The following TAF8 variants were observed in gnomAD, a reference collection of about 807,000 sequenced individuals.
TAF8 encodes transcription initiation factor TFIID subunit 8.
Under a neutral mutation model 36.5 loss-of-function variants are expected in TAF8, and 47 were observed. That is an observed-to-expected ratio of 1.29 (90% CI 1.02 to 1.64). TAF8 has a LOEUF of 1.64. Among genes scored for constraint, TAF8 ranks in the 40% most tolerant of loss-of-function variants. The probability of loss-of-function intolerance (pLI) is 0.00; values close to 1 mark genes in which losing one functional copy is unlikely to be tolerated. For synonymous variants in TAF8, 175 were observed against 159.5 expected, an observed-to-expected ratio of 1.10 and a Z score of -0.73; for missense variants, 420 against 407.6, an observed-to-expected ratio of 1.03 and a Z score of -0.26.
intron 8 of TAF8, 129 bp downstream of exon 8, chr6:42,077,368 C>G: frequency 1.3e-6 from 2 of 1,501,330 alleles, no homozygotes; most frequent in African/African-American, 2.8e-5. Flanking sequence ...GGAATAGTCT[C>G]CCTTTTCCTG....
At chr6:42,069,557 G>T (rs1765487626) in intron 7 of TAF8, among the ~76,000 whole-genome samples, 1 of 152,194 alleles carries the variant, frequency 6.6e-6, no homozygotes, top group African/African-American at 2.4e-5. Context: ...GCCAAGATAG[G>T]AACAACCACC....
At chr6:42,072,428 C>T (rs1181628105) in intron 7 of TAF8, among the ~76,000 whole-genome samples, 1 of 152,218 alleles carries the variant, frequency 6.6e-6, no homozygotes, top group Non-Finnish European at 1.5e-5. Flanking sequence ...TTCCCTCCCA[C>T]AGAGCAACTG....
rs557984663 is a variant in TAF8 at position 42,068,330 on chromosome 6, G to A, written c.638-135G>A. On this transcript the variant is annotated intron_variant, in intron 6 of 8. Transcript: ENST00000372977. ...CCCGTAGAACATTGCCTGGCCTGTT[G>A]TGTAAGTACTTGGAGCGAGTTAGCT... The A allele has an allele frequency of 4.3e-4, 382 of 895,760 alleles. 3 individuals carry two copies. The highest frequency in any genetic ancestry group is 9.2e-4 in the South Asian group (61 of 66,194). The allele number at this position is 895,760 out of a possible 1,614,324, so 55.5% of individuals were successfully genotyped here. A position where few individuals can be genotyped will look rare whatever the true frequency, so the allele number is the denominator to read the frequency against.
At position 42,078,116 on chromosome 6, in the gene TAF8, C is replaced by T. The variant is rs1472265628; in HGVS notation, c.*571C>T. Reference sequence around the variant, plus strand: ...ATGTTGGCCAGGCTGGTCTTGAACTCCTGACCTCAAGTGATAACCCGCCTC... The same window carrying T: ...ATGTTGGCCAGGCTGGTCTTGAACTTCTGACCTCAAGTGATAACCCGCCTC... On this transcript the variant is annotated 3_prime_UTR_variant, in exon 9 of 9. Coordinates refer to ENST00000372977, the MANE Select transcript of TAF8 (RefSeq NM_138572.3). The T allele has an allele frequency of 5.9e-6, 4 of 677,626 alleles. No individual in the cohort carries two copies. The highest frequency in any genetic ancestry group is 7.3e-6 in the Non-Finnish European group (4 of 548,580). 42.0% of individuals were successfully genotyped at this position (677,626 alleles called of 1,614,324 possible).
intron 7 of TAF8, among the ~76,000 whole-genome samples, chr6:42,068,881 C>T (rs1765458454): frequency 6.6e-6 from 1 of 152,086 alleles, no homozygotes; most frequent in Non-Finnish European, 1.5e-5. Flanking sequence ...TCCCTGTCCT[C>T]ATGGGGCTAA....
chr6:42,063,975 A>G (rs941638576), intron 5 of TAF8, among the ~76,000 whole-genome samples: 17 of 152,186 alleles, frequency 1.1e-4, no homozygotes, highest in Non-Finnish European at 2.4e-4. Flanking sequence ...AGAATCTAAG[A>G]TTAGTTTATT....
rs540647900 is a variant in TAF8, at chr6:42,080,372, T to C, written c.*2827T>C. On this transcript the variant is annotated 3_prime_UTR_variant, in exon 9 of 9. Coordinates refer to ENST00000372977, the MANE Select transcript of TAF8 (RefSeq NM_138572.3). ...GAGGCTATACTCTTTTTTTTTCTTT[T>C]CTTTTTTTTTTTTTTTTGAGACGGC... is the stretch of plus-strand genomic sequence containing the variant. The C allele has an allele frequency of 3.8e-4, 345 of 905,204 alleles. 2 individuals are homozygous for C. In the African/African-American group the frequency reaches 9.4e-3, roughly 25 times the overall value. The allele number at this position is 905,204 out of a possible 1,614,324, so 56.1% of individuals were successfully genotyped here.
At chr6:42,052,327 CCT>C (rs1491565346) in intron 2 of TAF8, among the ~76,000 whole-genome samples, 26 of 149,262 alleles carry the variant, frequency 1.7e-4, no homozygotes, top group African/African-American at 2.5e-4. Flanking sequence ...GCCCCCCCCC[CCT>C]TTTTTTTTTT....
At chr6:42,067,223 T>C (rs181288511) in intron 6 of TAF8, among the ~76,000 whole-genome samples, 2 of 152,322 alleles carry the variant, frequency 1.3e-5, no homozygotes, top group African/African-American at 4.8e-5. Context: ...TCTGGAGTTT[T>C]TGTGGGTTTT....
intron 7 of TAF8, among the ~76,000 whole-genome samples, chr6:42,076,257 C>T (rs541427881): frequency 1.3e-5 from 2 of 150,990 alleles, no homozygotes; most frequent in Admixed American, 1.3e-4. Context: ...TCGAGACTAG[C>T]CTGGCCAACT....
chr6:42,060,260 A>G (rs538005916), intron 5 of TAF8, among the ~76,000 whole-genome samples: 10 of 152,296 alleles, frequency 6.6e-5, no homozygotes, highest in Non-Finnish European at 1.2e-4. Context: ...ACAACAGTGT[A>G]CTATAGTTTT....
At chr6:42,052,748 A>G (rs1453087620) in intron 2 of TAF8, among the ~76,000 whole-genome samples, 5 of 152,114 alleles carry the variant, frequency 3.3e-5, no homozygotes, top group Admixed American at 2.0e-4. Flanking sequence ...GGGATGAGGG[A>G]TGGAAGTATT....
At position 42,080,209 on chromosome 6, in the gene TAF8, G is replaced by A; in HGVS notation, c.*2664G>A. On this transcript the variant is annotated 3_prime_UTR_variant, in exon 9 of 9. Transcript: ENST00000372977. Reference sequence around the variant, plus strand: ...AATCCCAGCTGTTCTCACTGCTCTTGGGAGGTGTTGTCCCAGTCAGTGTTT... The same window carrying A: ...AATCCCAGCTGTTCTCACTGCTCTTAGGAGGTGTTGTCCCAGTCAGTGTTT... 3 of 985,476 alleles carry A rather than the reference G, an allele frequency of 3.0e-6. No homozygotes were observed. Among genetic ancestry groups the A allele is most frequent in the Non-Finnish European group, 3.6e-6 (3 of 830,018 alleles). The allele number at this position is 985,476 out of a possible 1,614,324, so 61.0% of individuals were successfully genotyped here. A position where few individuals can be genotyped will look rare whatever the true frequency, so the allele number is the denominator to read the frequency against.
At position 42,068,752 on chromosome 6, in the gene TAF8, T is replaced by A. The variant is rs1023192974; in HGVS notation, c.780+145T>A. On this transcript the variant is annotated intron_variant, in intron 7 of 8. Transcript: ENST00000372977. The stretch of plus-strand genomic sequence containing the variant: ...GCCTGCATAAGGGCTTGCGTGATGA[T>A]CCAGATGTGACCCAATCTCCTGCTT... 25 of 933,922 alleles carry A rather than the reference T, an allele frequency of 2.7e-5. No individual in the cohort carries two copies. In the African/African-American group the frequency reaches 3.8e-4, roughly 14 times the overall value. The allele number at this position is 933,922 out of a possible 1,614,324, so 57.9% of individuals were successfully genotyped here. A position where few individuals can be genotyped will look rare whatever the true frequency, so the allele number is the denominator to read the frequency against.
At chr6:42,074,422 C>T (rs1489558388) in intron 7 of TAF8, among the ~76,000 whole-genome samples, 1 of 152,192 alleles carries the variant, frequency 6.6e-6, no homozygotes, top group Admixed American at 6.5e-5. Context: ...AGACTGGATG[C>T]AGTCACCACA....
rs1166192558 is a variant in TAF8 at position 42,081,011 on chromosome 6, G to A, written c.*3466G>A. 1 of 981,324 alleles carries A rather than the reference G, an allele frequency of 1.0e-6. No individual in the cohort carries two copies. The highest frequency in any genetic ancestry group is 1.2e-6 in the Non-Finnish European group (1 of 826,266). The allele number at this position is 981,324 out of a possible 1,614,324, so 60.8% of individuals were successfully genotyped here. ...TGGCCTAAGCACACCTGGGAACTTAGTAAAACTTTTATTTTGGAAATTTTC... is the reference window on the plus strand; with the variant it reads ...TGGCCTAAGCACACCTGGGAACTTAATAAAACTTTTATTTTGGAAATTTTC... On this transcript the variant is annotated 3_prime_UTR_variant, in exon 9 of 9. Transcript: ENST00000372977.
intron 7 of TAF8, among the ~76,000 whole-genome samples, chr6:42,074,346 G>A (rs997850506): frequency 6.6e-6 from 1 of 152,154 alleles, no homozygotes; most frequent in Non-Finnish European, 1.5e-5. Context: ...CTGGAAGTCG[G>A]GAGAGGTTAG....
At chr6:42,068,739 G>T in intron 7 of TAF8, 132 bp downstream of exon 7, 2 of 1,065,454 alleles carry the variant, frequency 1.9e-6, no homozygotes, top group Admixed American at 2.0e-5. Flanking sequence ...CTGCATAAGG[G>T]CTTGCGTGAT....
At position 42,077,609 on chromosome 6, in the gene TAF8, C is replaced by T. The variant is rs1765799415; in HGVS notation, c.*64C>T. The T allele has an allele frequency of 1.9e-6, 3 of 1,596,836 alleles. No homozygotes were observed. The African/African-American group carries it at 4.0e-5, about 21-fold the overall frequency. ...CCACCCTCCCGGGGAGTTAAAGCCA[C>T]TCAAGGGAAGAAGAGGGTGACCTCC... On this transcript the variant is annotated 3_prime_UTR_variant, in exon 9 of 9. Coordinates refer to ENST00000372977, the MANE Select transcript of TAF8 (RefSeq NM_138572.3).
Sources: allele counts gnomAD v4.1 joint callset (sites outside exome capture counted in the v4.1 genomes callset), GRCh38; gene constraint gnomAD v4.1.1; transcripts MANE v1.5; gene names NCBI Gene and HGNC (gene_info 2026-07-23, HGNC 2026-07-21).